DDX1: variants seen among roughly 807,000 people sequenced by gnomAD.
DDX1 encodes ATP-dependent RNA helicase DDX1.
Under a neutral mutation model 108.7 loss-of-function variants are expected in DDX1, and 28 were observed. The observed-to-expected ratio is 0.26, with a 90% CI of 0.19 to 0.35. DDX1 has a LOEUF of 0.35. Ranked by LOEUF, DDX1 falls within the 10% of genes least tolerant of loss-of-function variation. DDX1 has a pLI of 1.00. For missense variants in DDX1, 710 were observed against 884.5 expected (o/e 0.80, Z 2.50); for synonymous variants, 295 against 288.9 (o/e 1.02, Z -0.21).
chr2:15,604,341 A>C, intron 9 of DDX1, 96 bp from the exon 10 acceptor site: 3 of 801,470 alleles, frequency 3.7e-6, no homozygotes, highest in Non-Finnish European at 4.1e-6. Context: ...TGATTTAAAT[A>C]ATTATTTTGA....
intron 14 of DDX1, among the ~76,000 whole-genome samples, chr2:15,615,742 C>A (rs1262678802): frequency 6.6e-6 from 1 of 151,980 alleles, no homozygotes; most frequent in East Asian, 1.9e-4. Context: ...GTGGAGAAAA[C>A]AGGTAAAAAA....
chr2:15,619,577 AGGGTTTTT>A (rs1431379015), intron 16 of DDX1, among the ~76,000 whole-genome samples: 1 of 152,198 alleles, frequency 6.6e-6, no homozygotes, highest in African/African-American at 2.4e-5. Context: ...GCAGGGTCAA[AGGGTTTTT>A]GTTTGGTCCC....
At chr2:15,620,883 A>G (rs183637256) in intron 17 of DDX1, among the ~76,000 whole-genome samples, 182 bp from the exon 18 acceptor site, 122 of 152,320 alleles carry the variant, frequency 8.0e-4, no homozygotes, top group African/African-American at 2.9e-3. Flanking sequence ...TCTTAGACCT[A>G]TAGTTAATGA....
chr2:15,626,162 A>C (rs1273449856), intron 19 of DDX1, among the ~76,000 whole-genome samples: 1 of 152,150 alleles, frequency 6.6e-6, no homozygotes, highest in African/African-American at 2.4e-5. Flanking sequence ...ACAGGGGTTT[A>C]AAAGAAGGGA....
At chr2:15,601,478 CAATT>C (rs1411767005) in intron 6 of DDX1, among the ~76,000 whole-genome samples, 1 of 152,148 alleles carries the variant, frequency 6.6e-6, no homozygotes, top group Non-Finnish European at 1.5e-5. Context: ...TCCTCAGGTT[CAATT>C]AATTTGCTAG....
intron 19 of DDX1, among the ~76,000 whole-genome samples, chr2:15,624,871 T>C (rs975282581): frequency 1.3e-5 from 2 of 152,166 alleles, no homozygotes; most frequent in African/African-American, 4.8e-5. Context: ...GAATATAAAA[T>C]GGTATGAGCA....
In DDX1 at chr2:15,609,204, T is replaced by C. The variant is rs563925900; in HGVS notation, c.956+1891T>C. ...GAAGAATGTAAAATGCTAGTGTGAA[T>C]TGATTTTTGTGCTGTGATTATGTAT... On this transcript the variant is annotated intron_variant, in intron 13 of 25. Coordinates refer to ENST00000233084, the MANE Select transcript of DDX1 (RefSeq NM_004939.3). Among the ~76,000 whole-genome samples the C allele has an allele frequency of 5.3e-5, 8 of 152,314 alleles. No homozygotes were observed. In the South Asian group the frequency reaches 1.7e-3, roughly 32 times the overall value.
chr2:15,618,391 C>T, intron 16 of DDX1, 121 bp downstream of exon 16: 1 of 610,862 alleles, frequency 1.6e-6, no homozygotes, highest in Non-Finnish European at 3.0e-6. Context: ...ATGCCCTTGC[C>T]CGGGTTTTGC....
In DDX1 at chr2:15,600,740, CTTTTTTTTT is replaced by C. The variant is rs1157559293; in HGVS notation, c.307+1042_307+1050del. On this transcript the variant is annotated intron_variant, in intron 6 of 25. Coordinates refer to ENST00000233084, the MANE Select transcript of DDX1 (RefSeq NM_004939.3). ...ATACTTTTTTTCTTATTTGCATTTT[CTTTTTTTTT>C]TTTTTTTTTTTTTTTTTGAGACAGA... is the stretch of plus-strand genomic sequence containing the variant. Among the ~76,000 whole-genome samples the C allele has an allele frequency of 2.5e-3, 184 of 73,552 alleles. 3 individuals carry two copies. The highest frequency in any genetic ancestry group is 2.9e-3 in the Non-Finnish European group (125 of 42,380). 48.3% of individuals were successfully genotyped at this position (73,552 alleles called of 152,430 possible).
chr2:15,604,787 A>G (rs1665638739), intron 10 of DDX1, among the ~76,000 whole-genome samples: 1 of 152,192 alleles, frequency 6.6e-6, no homozygotes, highest in Admixed American at 6.5e-5. Flanking sequence ...AGGAGGGTAT[A>G]AAGCAGGGGA....
chr2:15,597,988 A>G (rs1480984331), intron 5 of DDX1, among the ~76,000 whole-genome samples: 1 of 152,068 alleles, frequency 6.6e-6, no homozygotes, highest in African/African-American at 2.4e-5. Context: ...TCTTTTTATT[A>G]GGTTTCTGAT....
chr2:15,607,279 C>G lies in DDX1; in HGVS notation c.922C>G (p.Gln308Glu), dbSNP rs1385914831. 2 of 1,612,426 alleles carry G rather than the reference C, an allele frequency of 1.2e-6. No homozygotes were observed. The highest frequency in any genetic ancestry group is 3.3e-5 in the Admixed American group (2 of 60,006). ...LAEQTLNNIK[Q>E]FKKYIDNPKL... Reference sequence around the variant, plus strand: ...TGAACAAACTTTGAACAACATCAAGCAGTTTAAGAAATACATTGATAATCC... The same window carrying G: ...TGAACAAACTTTGAACAACATCAAGGAGTTTAAGAAATACATTGATAATCC... The change falls in exon 13 of 26, where the codon CAG becomes GAG. Residue 308 changes from glutamine to glutamate, a missense_variant. By Grantham distance (29) the Gln-to-Glu change is conservative. Coordinates refer to ENST00000233084, the MANE Select transcript of DDX1 (RefSeq NM_004939.3).
At chr2:15,620,064 C>A in intron 16 of DDX1, 144 bp from the exon 17 acceptor site, 1 of 699,970 alleles carries the variant, frequency 1.4e-6, no homozygotes, top group Non-Finnish European at 2.3e-6. Flanking sequence ...AAAGTCATAA[C>A]TCTAGTTGTC....
chr2:15,593,568 T>A (rs964298492), intron 1 of DDX1, among the ~76,000 whole-genome samples: 1 of 152,220 alleles, frequency 6.6e-6, no homozygotes, highest in Admixed American at 6.5e-5. Context: ...CTGAAAATGA[T>A]ATGTTGTTTC....
rs372718311 is a variant in DDX1, at chr2:15,599,654, T to C, written c.260-15T>C. On this transcript the variant is annotated splice_polypyrimidine_tract_variant and intron_variant, in intron 5 of 25. Transcript: ENST00000233084. ...ATATATCTGTGGGTAACTTTTCTTA[T>C]TTTAATTTGTTTAGTGCTGAACAAA... 4.0e-5 allele frequency: 64 copies of C among 1,585,512 alleles called. No individual in the cohort carries two copies. Among genetic ancestry groups the C allele is most frequent in the Middle Eastern group, 1.7e-4 (1 of 5,950 alleles).
At chr2:15,606,455 G>T (rs763994825) in intron 12 of DDX1, among the ~76,000 whole-genome samples, 191 bp downstream of exon 12, 2 of 152,170 alleles carry the variant, frequency 1.3e-5, no homozygotes, top group Non-Finnish European at 2.9e-5. Flanking sequence ...TGGTTTCAGT[G>T]TAGGCATTTT....
chr2:15,623,224 A>G (rs1469165282), intron 18 of DDX1, among the ~76,000 whole-genome samples: 3 of 152,180 alleles, frequency 2.0e-5, no homozygotes, highest in Non-Finnish European at 2.9e-5. Flanking sequence ...CATAAAAAAT[A>G]TTAACAGAAA....
chr2:15,613,595 G>A (rs1665839579), intron 14 of DDX1, among the ~76,000 whole-genome samples: 1 of 152,202 alleles, frequency 6.6e-6, no homozygotes, highest in African/African-American at 2.4e-5. Context: ...TGAAAAAGAA[G>A]AAACTGGAGT....
chr2:15,613,384 T>C (rs1369823922), intron 14 of DDX1, 100 bp downstream of exon 14: 3 of 738,732 alleles, frequency 4.1e-6, no homozygotes, highest in Non-Finnish European at 6.7e-6. Flanking sequence ...AGGCTGAAAT[T>C]AGAGCAAGGT....
Sources: allele counts gnomAD v4.1 joint callset (sites outside exome capture counted in the v4.1 genomes callset), GRCh38; gene constraint gnomAD v4.1.1; transcripts MANE v1.5; gene names NCBI Gene and HGNC (gene_info 2026-07-23, HGNC 2026-07-21).